The following NCOA7 variants were observed in gnomAD, a reference collection of about 807,000 sequenced individuals.
The protein encoded by NCOA7 is 140 kDa estrogen receptor-associated protein.
NCOA7 carries 45 observed loss-of-function variants against 104.3 expected under a neutral mutation model. The observed-to-expected ratio is 0.43, with a 90% CI of 0.34 to 0.55. The LOEUF (loss-of-function observed/expected upper bound fraction) is 0.55, where lower values mean the gene tolerates loss of function less well. Ranked by LOEUF, NCOA7 falls within the 20% of genes least tolerant of loss-of-function variation. The pLI, the probability that NCOA7 is intolerant of heterozygous loss-of-function variation, is 0.02. For missense variants in NCOA7, 1,041 were observed against 1,119.7 expected (o/e 0.93, Z 1.00); for synonymous variants, 398 against 402.3 (o/e 0.99, Z 0.13).
At chr6:125,857,452 T>TA (rs1781661716) in intron 3 of NCOA7, among the ~76,000 whole-genome samples, 1 of 148,444 alleles carries the variant, frequency 6.7e-6, no homozygotes, top group Non-Finnish European at 1.5e-5. Flanking sequence ...TTTTTTTTTT[T>TA]AAGAGAGAAA....
intron 2 of NCOA7, among the ~76,000 whole-genome samples, chr6:125,851,773 A>G (rs1316314010): frequency 6.6e-6 from 1 of 152,164 alleles, no homozygotes; most frequent in Non-Finnish European, 1.5e-5. Flanking sequence ...TTGACTTTTT[A>G]ATAACAGCCA....
At chr6:125,794,031 A>G (rs2128545358) in intron 1 of NCOA7, among the ~76,000 whole-genome samples, 1 of 152,292 alleles carries the variant, frequency 6.6e-6, no homozygotes, top group African/African-American at 2.4e-5. Context: ...TAGCTGTTAG[A>G]CCAGAAGTCT....
chr6:125,815,236 C>T, intron 1 of NCOA7, 55 bp from the exon 2 acceptor site: 1 of 623,118 alleles, frequency 1.6e-6, no homozygotes, highest in South Asian at 2.6e-5. Flanking sequence ...TTATTTTTCA[C>T]ATTGGCCAGT....
Position 125,881,968 on chromosome 6 carries a change from C to T in NCOA7, c.574-458C>T, listed in dbSNP as rs550884303. 3.3e-5 allele frequency among the ~76,000 whole-genome samples: 5 copies of T among 152,266 alleles called. No homozygotes were observed. In the East Asian group the frequency reaches 5.8e-4, roughly 18 times the overall value. On this transcript the variant is annotated intron_variant, in intron 6 of 15. Transcript: ENST00000392477. ...TCCTAGTTTCAAGCGATTCTCCTGC[C>T]TCAGCCTCCTAAGTAGCTGGGATTA...
At chr6:125,896,813 T>G (rs1199186660) in intron 10 of NCOA7, among the ~76,000 whole-genome samples, 2 of 152,152 alleles carry the variant, frequency 1.3e-5, no homozygotes, top group Non-Finnish European at 2.9e-5. Flanking sequence ...ATAAAAAGAT[T>G]ATTTATACCT....
At chr6:125,813,321 G>A (rs551152699) in intron 1 of NCOA7, among the ~76,000 whole-genome samples, 17 of 152,220 alleles carry the variant, frequency 1.1e-4, no homozygotes, top group African/African-American at 4.1e-4. Flanking sequence ...AAGGCTTTCC[G>A]TGACCCAGAT....
rs143349789 is a variant in NCOA7 at position 125,807,951 on chromosome 6, C to T, written c.-64-7340C>T. 9.5e-3 allele frequency among the ~76,000 whole-genome samples: 1,449 copies of T among 152,318 alleles called. 9 individuals carry two copies. The highest frequency in any genetic ancestry group is 0.015 in the Non-Finnish European group (1,035 of 68,026). On this transcript the variant is annotated intron_variant, in intron 1 of 15. Transcript: ENST00000392477. ...ACACACCCAACCCACATTTCTCCAT[C>T]TTATCCATAAGCAGACAAGAGAAAT...
chr6:125,897,454 T>C (rs6941158), intron 10 of NCOA7, among the ~76,000 whole-genome samples: 118,935 of 152,152 alleles, frequency 0.78, 47,286 homozygotes, highest in African/African-American at 0.93. Context: ...TTTTTATTCC[T>C]TAAATAGGCT....
At position 125,815,313 on chromosome 6, in the gene NCOA7, A is replaced by C. The variant is rs1777487216; in HGVS notation, c.-42A>C. ...CAGGGTTACGACTCACTGATTAAAA[A>C]GAGGGACTTTTTCAAATACTTTGCA... On this transcript the variant is annotated 5_prime_UTR_variant, in exon 2 of 16. Coordinates refer to ENST00000392477, the MANE Select transcript of NCOA7 (RefSeq NM_181782.5). 6.6e-7 allele frequency: 1 copy of C among 1,510,904 alleles called. No individual in the cohort carries two copies. The highest frequency in any genetic ancestry group is 9.1e-7 in the Non-Finnish European group (1 of 1,102,768). The allele number at this position is 1,510,904 out of a possible 1,614,324, so 93.6% of individuals were successfully genotyped here. A position where few individuals can be genotyped will look rare whatever the true frequency, so the allele number is the denominator to read the frequency against.
intron 2 of NCOA7, among the ~76,000 whole-genome samples, chr6:125,831,507 A>T (rs1779182959): frequency 6.7e-6 from 1 of 149,706 alleles, no homozygotes; most frequent in Non-Finnish European, 1.5e-5. Flanking sequence ...CCTACTTCCA[A>T]TTTTCTTTCT....
At chr6:125,892,345 C>A (rs1784683985) in intron 10 of NCOA7, among the ~76,000 whole-genome samples, 1 of 152,132 alleles carries the variant, frequency 6.6e-6, no homozygotes, top group Non-Finnish European at 1.5e-5. Flanking sequence ...CAGAAGAAAT[C>A]TTTAATGGTA....
intron 2 of NCOA7, among the ~76,000 whole-genome samples, chr6:125,847,639 A>G (rs1780741592): frequency 6.6e-6 from 1 of 152,228 alleles, no homozygotes; most frequent in Non-Finnish European, 1.5e-5. Context: ...CTTACACCTT[A>G]TACAAAAATT....
At chr6:125,837,579 G>A (rs572460392) in intron 2 of NCOA7, among the ~76,000 whole-genome samples, 1 of 152,008 alleles carries the variant, frequency 6.6e-6, no homozygotes, top group South Asian at 2.1e-4. Context: ...ATCTCCTCAT[G>A]TCCTTACCTT....
intron 1 of NCOA7, among the ~76,000 whole-genome samples, chr6:125,798,825 A>G (rs936864960): frequency 8.5e-5 from 13 of 152,128 alleles, no homozygotes; most frequent in Admixed American, 6.5e-4. Flanking sequence ...ATTATGTATC[A>G]TCCGATTTTT....
chr6:125,797,997 A>G (rs953512181), intron 1 of NCOA7: 5 of 152,194 alleles, frequency 3.3e-5, no homozygotes, highest in Non-Finnish European at 7.3e-5. Flanking sequence ...AATAATACTG[A>G]CTTCATGGCA....
chr6:125,862,665 A>G (rs1782155905), intron 3 of NCOA7, among the ~76,000 whole-genome samples: 1 of 137,298 alleles, frequency 7.3e-6, no homozygotes, highest in Admixed American at 6.9e-5. Flanking sequence ...GTTTGATAAC[A>G]TTTTCAACAT....
chr6:125,917,871 A>G (rs9491534), intron 11 of NCOA7, among the ~76,000 whole-genome samples: 23,913 of 152,284 alleles, frequency 0.16, 2,071 homozygotes, highest in African/African-American at 0.25. Context: ...GGAACCCTCA[A>G]TCATGTATGC....
intron 2 of NCOA7, among the ~76,000 whole-genome samples, chr6:125,844,806 A>T (rs1235179190): frequency 6.6e-6 from 1 of 152,182 alleles, no homozygotes; most frequent in African/African-American, 2.4e-5. Context: ...GTTGTGCTTT[A>T]TATGTTCTCT....
intron 2 of NCOA7, among the ~76,000 whole-genome samples, chr6:125,839,390 T>G (rs1779914331): frequency 6.6e-6 from 1 of 152,162 alleles, no homozygotes; most frequent in Non-Finnish European, 1.5e-5. Context: ...AGTGCTGGGA[T>G]TACAAGAGTC....
Sources: gnomAD v4.1 joint callset for allele counts (sites outside exome capture counted in the v4.1 genomes callset) on GRCh38, gnomAD v4.1.1 for gene constraint, MANE v1.5 for transcripts, NCBI Gene and HGNC (gene_info 2026-07-23, HGNC 2026-07-21) for gene names.